The following TMEM132D variants were observed in gnomAD, a reference collection of about 807,000 sequenced individuals.
The protein encoded by TMEM132D is mature OL transmembrane protein.
In TMEM132D, 21 loss-of-function variants were observed where a neutral mutation model predicts 62.3. The observed-to-expected ratio is 0.34, with a 90% CI of 0.24 to 0.49. The LOEUF is 0.49. TMEM132D is among the 20% of genes least tolerant of loss of function. TMEM132D has a pLI of 0.99. For missense variants in TMEM132D, 1,346 were observed against 1,402.8 expected (o/e 0.96, Z 0.65); for synonymous variants, 621 against 575.6 (o/e 1.08, Z -1.13).
At chr12:129,618,228 T>C (rs557996572) in intron 2 of TMEM132D, among the ~76,000 whole-genome samples, 1 of 152,362 alleles carries the variant, frequency 6.6e-6, no homozygotes, top group South Asian at 2.1e-4. Context: ...CTTGCTAATC[T>C]CTGGACCCAA....
At chr12:129,714,282 GC>G (rs1211137250) in intron 1 of TMEM132D, among the ~76,000 whole-genome samples, 1 of 152,182 alleles carries the variant, frequency 6.6e-6, no homozygotes, top group Non-Finnish European at 1.5e-5. Context: ...TCTGCCATAT[GC>G]CCTGGTTAGT....
chr12:129,546,801 AAAAAAAAAAAAG>A (rs1489309676), intron 2 of TMEM132D, among the ~76,000 whole-genome samples: 1 of 145,188 alleles, frequency 6.9e-6, no homozygotes, highest in Non-Finnish European at 1.5e-5. Context: ...ACTCCGTCTC[AAAAAAAAAAAAG>A]AAAAGAAAAA....
chr12:129,078,162 C>T (rs11060120), intron 8 of TMEM132D, among the ~76,000 whole-genome samples: 6,795 of 152,324 alleles, frequency 0.045, 334 homozygotes, highest in East Asian at 0.22. Context: ...TGAGCCTGCA[C>T]GTGCCCTCAT....
chr12:129,464,571 C>T (rs1306051742), intron 3 of TMEM132D, among the ~76,000 whole-genome samples: 10 of 152,068 alleles, frequency 6.6e-5, no homozygotes, highest in Non-Finnish European at 1.5e-4. Flanking sequence ...AATAGTAATG[C>T]CTAGGTTTTC....
intron 3 of TMEM132D, among the ~76,000 whole-genome samples, chr12:129,417,139 G>C (rs1272765308): frequency 6.6e-6 from 1 of 152,108 alleles, no homozygotes; most frequent in Non-Finnish European, 1.5e-5. Context: ...GTTCCTCTTT[G>C]TACCTCTGGT....
intron 4 of TMEM132D, among the ~76,000 whole-genome samples, chr12:129,323,581 A>G (rs1358811227): frequency 1.3e-5 from 2 of 152,206 alleles, no homozygotes; most frequent in African/African-American, 4.8e-5. Context: ...ACACTGTTAC[A>G]TGTTTGTCAA....
At chr12:129,553,582 T>C (rs1049280966) in intron 2 of TMEM132D, among the ~76,000 whole-genome samples, 1 of 152,152 alleles carries the variant, frequency 6.6e-6, no homozygotes, top group Non-Finnish European at 1.5e-5. Flanking sequence ...CACCTGCCCA[T>C]TTCCATGGTG....
intron 1 of TMEM132D, among the ~76,000 whole-genome samples, chr12:129,776,644 G>A (rs1193661543): frequency 6.6e-6 from 1 of 150,506 alleles, no homozygotes; most frequent in African/African-American, 2.4e-5. Context: ...AATACACTTG[G>A]TGATAAACAT....
chr12:129,847,646 T>A (rs1873404014), intron 1 of TMEM132D, among the ~76,000 whole-genome samples: 1 of 152,158 alleles, frequency 6.6e-6, no homozygotes, highest in African/African-American at 2.4e-5. Flanking sequence ...ACTCCTCTAA[T>A]CCAGGGGTGA....
intron 4 of TMEM132D, among the ~76,000 whole-genome samples, chr12:129,264,897 G>T (rs117677711): frequency 0.07 from 10,672 of 152,118 alleles, 550 homozygotes; most frequent in Admixed American, 0.17. Context: ...TGATACAATG[G>T]ACTTTGGGAA....
At chr12:129,429,754 G>A (rs1186374447) in intron 3 of TMEM132D, among the ~76,000 whole-genome samples, 1 of 124,830 alleles carries the variant, frequency 8.0e-6, no homozygotes, top group African/African-American at 3.1e-5. Context: ...CCCACAACAG[G>A]CCCCGGTGTG....
chr12:129,206,306 T>G (rs1878846016), intron 5 of TMEM132D, among the ~76,000 whole-genome samples: 1 of 152,182 alleles, frequency 6.6e-6, no homozygotes, highest in Admixed American at 6.5e-5. Context: ...TGAACAGACA[T>G]TTTTCAAAAG....
At chr12:129,835,191 C>T (rs1053459271) in intron 1 of TMEM132D, among the ~76,000 whole-genome samples, 3 of 152,156 alleles carry the variant, frequency 2.0e-5, no homozygotes, top group African/African-American at 7.2e-5. Context: ...GTAGAAAATA[C>T]AGCAAGGAAA....
At chr12:129,864,785 G>A (rs1431829685) in intron 1 of TMEM132D, among the ~76,000 whole-genome samples, 2 of 152,186 alleles carry the variant, frequency 1.3e-5, no homozygotes, top group Non-Finnish European at 2.9e-5. Flanking sequence ...CTGTCATTAG[G>A]TACTCAATGC....
chr12:129,476,096 T>TG (rs1874248623), intron 3 of TMEM132D, among the ~76,000 whole-genome samples: 1 of 152,180 alleles, frequency 6.6e-6, no homozygotes, highest in Non-Finnish European at 1.5e-5. Flanking sequence ...CTCCACACTG[T>TG]GGGGGGTTTA....
At chr12:129,119,233 G>A (rs1875987656) in intron 5 of TMEM132D, among the ~76,000 whole-genome samples, 1 of 152,170 alleles carries the variant, frequency 6.6e-6, no homozygotes, top group Non-Finnish European at 1.5e-5. Context: ...GGATTTAGGA[G>A]TACACGTAGA....
intron 2 of TMEM132D, among the ~76,000 whole-genome samples, chr12:129,581,602 C>T (rs1248311483): frequency 1.3e-5 from 2 of 152,194 alleles, no homozygotes; most frequent in Non-Finnish European, 2.9e-5. Context: ...AGGAAGCATC[C>T]AGCATGGGAG....
intron 1 of TMEM132D, among the ~76,000 whole-genome samples, chr12:129,715,007 C>A (rs1402903584): frequency 6.6e-6 from 1 of 152,210 alleles, no homozygotes; most frequent in Admixed American, 6.5e-5. Context: ...GAAAGAACTT[C>A]ATTAAGCTGT....
intron 2 of TMEM132D, among the ~76,000 whole-genome samples, chr12:129,605,236 G>A (rs935593774): frequency 3.3e-5 from 5 of 152,018 alleles, no homozygotes; most frequent in South Asian, 2.1e-4. Context: ...GGGACATGAC[G>A]GGCATGGTTA....
Sources: allele counts gnomAD v4.1 joint callset (sites outside exome capture counted in the v4.1 genomes callset), GRCh38; gene constraint gnomAD v4.1.1; transcripts MANE v1.5; gene names NCBI Gene and HGNC (gene_info 2026-07-23, HGNC 2026-07-21).